Variants in ABI3BP observed in about 807,000 individuals in gnomAD.
ABI3BP encodes target of Nesh-SH3.
In ABI3BP, 216 loss-of-function variants were observed where a neutral mutation model predicts 268.6. The ratio of observed to expected loss-of-function variants is 0.80; its 90% CI spans 0.72 to 0.90. The LOEUF is 0.90. Ranked by LOEUF, ABI3BP falls within the 40% of genes least tolerant of loss-of-function variation. ABI3BP has a pLI of 0.00. For missense variants in ABI3BP, 2,090 were observed against 2,182.4 expected, an observed-to-expected ratio of 0.96 and a Z score of 0.84; for synonymous variants, 730 against 730.0, an observed-to-expected ratio of 1.00 and a Z score of 0.00.
rs911607486 is a variant in ABI3BP at position 100,817,422 on chromosome 3, C to T, written c.3148+14G>A. 4.0e-6 allele frequency: 6 copies of T among 1,492,474 alleles called. No homozygotes were observed. Among genetic ancestry groups the T allele is most frequent in the African/African-American group, 2.8e-5 (2 of 72,066 alleles). 92.5% of individuals were successfully genotyped at this position (1,492,474 alleles called of 1,614,324 possible). A position where few individuals can be genotyped will look rare whatever the true frequency, so the allele number is the denominator to read the frequency against. ...AGGAGGAAAAAGTTATTCAGGAACACAGAATATCATTACCTAACGTTGTTT... is the reference window on the plus strand; with the variant it reads ...AGGAGGAAAAAGTTATTCAGGAACATAGAATATCATTACCTAACGTTGTTT... On this transcript the variant is annotated intron_variant, in intron 42 of 67. Transcript: ENST00000471714.
intron 31 of ABI3BP, among the ~76,000 whole-genome samples, chr3:100,831,209 G>A (rs763258713): frequency 6.6e-6 from 1 of 152,108 alleles, no homozygotes; most frequent in African/African-American, 2.4e-5. Flanking sequence ...GGTGATGGGT[G>A]TCACTCTGTT....
chr3:100,773,001 C>G (rs2096594112), intron 61 of ABI3BP, among the ~76,000 whole-genome samples: 1 of 150,866 alleles, frequency 6.6e-6, no homozygotes, highest in South Asian at 2.1e-4. Flanking sequence ...TCACTTGAAC[C>G]CAGGAAGCGG....
At position 100,824,893 on chromosome 3, in the gene ABI3BP, G is replaced by A. The variant is rs2152720235; in HGVS notation, c.2711C>T (p.Thr904Ile). The change falls in exon 36 of 68, where the codon ACT (threonine) becomes ATT (isoleucine). Residue 904 changes from threonine (T) to isoleucine (I), a missense_variant. Physicochemically the swap from Thr to Ile is moderately conservative, Grantham distance 89 (BLOSUM62 -1). Transcript: ENST00000471714. ...CTCAGGTGCCTGAGGGCTCGGTGTA[G>A]TTTTAGGTCTGGGACGTGGAGGGCG... Reference protein sequence around the residue: ...RTRPPRPRPKTTPSPQAPETK... With the variant: ...RTRPPRPRPKITPSPQAPETK... 1.3e-6 allele frequency: 2 copies of A among 1,536,194 alleles called. No homozygotes were observed. The highest frequency in any genetic ancestry group is 1.4e-5 in the African/African-American group (1 of 73,142).
intron 1 of ABI3BP, among the ~76,000 whole-genome samples, chr3:100,969,440 AAG>A: frequency 6.6e-6 from 1 of 152,232 alleles, no homozygotes; most frequent in Admixed American, 6.5e-5. Context: ...AGCAAGAGCC[AAG>A]TACTAAAGGG....
At chr3:100,775,958 T>C (rs2096688567) in intron 59 of ABI3BP, among the ~76,000 whole-genome samples, 1 of 152,126 alleles carries the variant, frequency 6.6e-6, no homozygotes, top group South Asian at 2.1e-4. Flanking sequence ...GTCAGGAGAC[T>C]CAGTGGCAGG....
At chr3:100,992,301 G>A (rs1333727122) in intron 1 of ABI3BP, among the ~76,000 whole-genome samples, 1 of 152,182 alleles carries the variant, frequency 6.6e-6, no homozygotes, top group East Asian at 1.9e-4. Flanking sequence ...GGGACAAGAT[G>A]ATCCTGGGGC....
At chr3:100,957,542 T>C (rs955965836) in intron 1 of ABI3BP, among the ~76,000 whole-genome samples, 3 of 152,126 alleles carry the variant, frequency 2.0e-5, no homozygotes, top group African/African-American at 7.2e-5. Flanking sequence ...GTATTTAAAG[T>C]CATAAGACTA....
intron 24 of ABI3BP, among the ~76,000 whole-genome samples, chr3:100,839,312 C>T (rs996758499): frequency 2.6e-5 from 4 of 152,198 alleles, no homozygotes; most frequent in African/African-American, 9.6e-5. Flanking sequence ...CCCCACGACA[C>T]ATATAGGGCA....
rs1228837437 is a variant in ABI3BP at position 100,899,717 on chromosome 3, G to A, written c.329-823C>T. Among the ~76,000 whole-genome samples the A allele has an allele frequency of 2.6e-5, 4 of 152,196 alleles. No individual in the cohort carries two copies. In the South Asian group the frequency reaches 8.3e-4, roughly 31 times the overall value. On this transcript the variant is annotated intron_variant, in intron 3 of 67. Coordinates refer to ENST00000471714, the MANE Select transcript of ABI3BP (RefSeq NM_001375547.2). ...TGCTGACTCATTGAAAATAATTAGA[G>A]TAAATAAGATAAAAATCCGATAGAA...
chr3:100,808,198 T>G lies in ABI3BP; in HGVS notation c.3645A>C (p.Lys1215Asn). ...KQTPRAPPKP[K>N]TSPRPRIPQT... Reference sequence around the variant, plus strand: ...GTGGGATTCTTGGGCGTGGTGATGTTTTTGGCTTAGGAGGAGCACGTGGTG... The same window carrying G: ...GTGGGATTCTTGGGCGTGGTGATGTGTTTGGCTTAGGAGGAGCACGTGGTG... The change falls in exon 50 of 68, where the codon AAA becomes AAC. Residue 1215 changes from lysine (K) to asparagine (N), a missense_variant. Coordinates refer to ENST00000471714, the MANE Select transcript of ABI3BP (RefSeq NM_001375547.2). 1.2e-6 allele frequency: 2 copies of G among 1,611,554 alleles called. No homozygotes were observed. Among genetic ancestry groups the G allele is most frequent in the Non-Finnish European group, 1.7e-6 (2 of 1,178,428 alleles).
chr3:100,928,503 C>G (rs1291430679), intron 1 of ABI3BP, among the ~76,000 whole-genome samples: 1 of 152,036 alleles, frequency 6.6e-6, no homozygotes, highest in Non-Finnish European at 1.5e-5. Flanking sequence ...AAAAATAACC[C>G]TTTCTTGGAT....
intron 7 of ABI3BP, 30 bp downstream of exon 7, chr3:100,876,482 C>G: frequency 6.3e-7 from 1 of 1,595,550 alleles, no homozygotes; most frequent in Non-Finnish European, 8.6e-7. Flanking sequence ...AAAGATTGCT[C>G]TAAACACATT....
At chr3:100,887,573 A>G (rs2042557418) in intron 4 of ABI3BP, among the ~76,000 whole-genome samples, 1 of 152,090 alleles carries the variant, frequency 6.6e-6, no homozygotes. Flanking sequence ...ATAGAATGAA[A>G]TAGTAGCTGC....
Position 100,780,225 on chromosome 3 carries a change from A to T in ABI3BP, c.4163-16T>A. On this transcript the variant is annotated splice_polypyrimidine_tract_variant and intron_variant, in intron 57 of 67. Coordinates refer to ENST00000471714, the MANE Select transcript of ABI3BP (RefSeq NM_001375547.2). ...TGCTTGACCCCTATGAGCAGAGATA[A>T]TGAAAGGGAATAAACATATAGCAAA... is the stretch of plus-strand genomic sequence containing the variant. 6.2e-7 allele frequency: 1 copy of T among 1,609,450 alleles called. No individual in the cohort carries two copies. The highest frequency in any genetic ancestry group is 8.5e-7 in the Non-Finnish European group (1 of 1,177,264).
intron 37 of ABI3BP, among the ~76,000 whole-genome samples, chr3:100,823,193 G>A (rs1161755754): frequency 1.3e-5 from 2 of 152,118 alleles, no homozygotes; most frequent in Non-Finnish European, 2.9e-5. Context: ...CCACTAATAT[G>A]TTTGAAACAT....
At chr3:100,839,705 T>TA (rs1443772581) in intron 23 of ABI3BP, 89 bp from the exon 24 acceptor site, 4 of 1,319,088 alleles carry the variant, frequency 3.0e-6, no homozygotes, top group Non-Finnish European at 2.1e-6. Flanking sequence ...GGACACTACC[T>TA]AAATGATGCA....
rs752525957 is a variant in ABI3BP, at chr3:100,749,358, A to G, written c.*1137T>C. The G allele has an allele frequency of 3.2e-6, 1 of 307,956 alleles. No individual in the cohort carries two copies. 19.1% of individuals were successfully genotyped at this position (307,956 alleles called of 1,614,324 possible). A position where few individuals can be genotyped will look rare whatever the true frequency, so the allele number is the denominator to read the frequency against. ...TCTTAAAAAAAAACTACATCTCTTT[A>G]TTGCAGAATTTATACTTGTTTGAAA... is the stretch of plus-strand genomic sequence containing the variant. On this transcript the variant is annotated 3_prime_UTR_variant, in exon 68 of 68. Coordinates refer to ENST00000471714, the MANE Select transcript of ABI3BP (RefSeq NM_001375547.2).
At chr3:100,899,898 C>T (rs1413416305) in intron 3 of ABI3BP, among the ~76,000 whole-genome samples, 2 of 152,188 alleles carry the variant, frequency 1.3e-5, no homozygotes, top group East Asian at 3.8e-4. Flanking sequence ...TGGCCTGCCA[C>T]CTCTATTAAG....
rs1286753079 is a variant in ABI3BP at position 100,825,814 on chromosome 3, A to G, written c.2633T>C (p.Phe878Ser). The G allele has an allele frequency of 1.3e-6, 2 of 1,535,690 alleles. No individual in the cohort carries two copies. The highest frequency in any genetic ancestry group is 2.7e-5 in the African/African-American group (2 of 73,046). ...VPVTDLEPVT[F>S]RTEIPATTLA... The stretch of plus-strand genomic sequence containing the variant: ...GGTTGTTGCAGGGATCTCAGTTCTA[A>G]AAGTAACAGGCTCGAGGTCTGTAAC... Residue 878 changes from phenylalanine (F) to serine (S), a missense_variant, in exon 35 of 68, where the codon TTT becomes TCT. Physicochemically the swap from Phe to Ser is radical, Grantham distance 155. Transcript: ENST00000471714.
Sources: allele counts gnomAD v4.1 joint callset (sites outside exome capture counted in the v4.1 genomes callset), GRCh38; gene constraint gnomAD v4.1.1; transcripts MANE v1.5; gene names NCBI Gene and HGNC (gene_info 2026-07-23, HGNC 2026-07-21).